SV2C: variants seen among roughly 807,000 people sequenced by gnomAD.
The protein encoded by SV2C is solute carrier family 22 member B3.
In SV2C, 49 loss-of-function variants were observed where a neutral mutation model predicts 79.7. The observed-to-expected ratio is 0.61, with a 90% CI of 0.49 to 0.78. The LOEUF is 0.78. SV2C is among the 30% of genes least tolerant of loss of function. The pLI is 0.00. For synonymous variants in SV2C, 334 were observed against 333.2 expected (o/e 1.00, Z -0.03); for missense variants, 833 against 912.9 (o/e 0.91, Z 1.13).
chr5:76,294,364 C>T (rs974125420), intron 8 of SV2C, among the ~76,000 whole-genome samples: 4 of 146,462 alleles, frequency 2.7e-5, no homozygotes, highest in African/African-American at 7.6e-5. Context: ...TGCATTGGCA[C>T]GATATCGGCT....
chr5:76,229,729 G>A (rs1163179056), intron 4 of SV2C, among the ~76,000 whole-genome samples: 2 of 152,216 alleles, frequency 1.3e-5, no homozygotes, highest in East Asian at 3.9e-4. Context: ...TAACAAGGGC[G>A]AAAGCCCTCC....
chr5:76,210,444 G>A (rs1744736655), intron 4 of SV2C, among the ~76,000 whole-genome samples: 1 of 152,294 alleles, frequency 6.6e-6, no homozygotes, highest in South Asian at 2.1e-4. Context: ...ACCAGTTTAT[G>A]GCAAAGGATA....
intron 2 of SV2C, among the ~76,000 whole-genome samples, chr5:76,153,260 C>G (rs1279285551): frequency 6.6e-6 from 1 of 152,178 alleles, no homozygotes; most frequent in East Asian, 1.9e-4. Flanking sequence ...TTGGAGGGAA[C>G]TAAGTTGGGA....
the SV2C span, chr5:75,910,457 C>G: frequency 1.7e-6 from 1 of 600,234 alleles, no homozygotes; most frequent in South Asian, 1.5e-5. Flanking sequence ...TTCAGCTGCA[C>G]TAAGGAAGTT....
the SV2C span, among the ~76,000 whole-genome samples, chr5:76,077,851 G>A: frequency 6.6e-6 from 1 of 152,228 alleles, no homozygotes; most frequent in African/African-American, 2.4e-5. Flanking sequence ...GGCCACCAGA[G>A]AGGTGGCCTC....
At chr5:76,165,394 A>G (rs1295909611) in intron 2 of SV2C, among the ~76,000 whole-genome samples, 1 of 152,204 alleles carries the variant, frequency 6.6e-6, no homozygotes, top group East Asian at 1.9e-4. Context: ...TAGTTCTAGG[A>G]AGTTTTATCA....
chr5:75,931,009 C>T, the SV2C span, among the ~76,000 whole-genome samples: 1 of 152,268 alleles, frequency 6.6e-6, no homozygotes, highest in South Asian at 2.1e-4. Context: ...TGGCACATGC[C>T]TGTAATCCCA....
chr5:75,990,534 T>C, the SV2C span, among the ~76,000 whole-genome samples: 1 of 151,972 alleles, frequency 6.6e-6, no homozygotes, highest in Non-Finnish European at 1.5e-5. Context: ...AAGGAAAAAA[T>C]TACTTTTTCT....
the SV2C span, among the ~76,000 whole-genome samples, chr5:76,037,972 A>G: frequency 1.3e-5 from 2 of 152,184 alleles, no homozygotes; most frequent in African/African-American, 4.8e-5. Flanking sequence ...CCGTCGGAAA[A>G]GCGCAGTATT....
chr5:75,850,303 C>A, the SV2C span, among the ~76,000 whole-genome samples: 1 of 152,078 alleles, frequency 6.6e-6, no homozygotes, highest in African/African-American at 2.4e-5. Flanking sequence ...ATACACACAC[C>A]GTTCCCGTGA....
chr5:76,342,890 T>C (rs1749470030), intron 12 of SV2C, among the ~76,000 whole-genome samples: 1 of 151,072 alleles, frequency 6.6e-6, no homozygotes. Flanking sequence ...CTCTCTCTTT[T>C]TTTTTTTTTT....
intron 12 of SV2C, among the ~76,000 whole-genome samples, chr5:76,350,136 C>T (rs1749619880): frequency 6.6e-6 from 1 of 152,168 alleles, no homozygotes; most frequent in African/African-American, 2.4e-5. Context: ...TAAACGATCA[C>T]AAATCTGCAT....
chr5:76,353,095 C>T (rs1287445032), intron 12 of SV2C: 1 of 433,414 alleles, frequency 2.3e-6, no homozygotes, highest in African/African-American at 2.4e-5. Context: ...TGGGAGCCAC[C>T]ATGCCCAGCT....
At chr5:76,248,930 T>A (rs73115556) in intron 4 of SV2C, among the ~76,000 whole-genome samples, 1,822 of 152,248 alleles carry the variant, frequency 0.012, 28 homozygotes, top group African/African-American at 0.041. Flanking sequence ...CAGTGAACAA[T>A]TTTTGAATGA....
chr5:76,082,195 G>C (rs1217144352), upstream of SV2C: 1 of 152,310 alleles, frequency 6.6e-6, no homozygotes, highest in Admixed American at 6.5e-5. Flanking sequence ...GCGCGGAGCC[G>C]GAGGAGTCAG....
At chr5:76,069,877 C>CA in the SV2C span, among the ~76,000 whole-genome samples, 63,805 of 151,122 alleles carry the variant, frequency 0.42, 14,092 homozygotes, top group East Asian at 0.72. Flanking sequence ...CACACACACA[C>CA]CCTTTCGTGG....
At chr5:76,317,123 T>A (rs998247874) in intron 12 of SV2C, among the ~76,000 whole-genome samples, 1 of 152,342 alleles carries the variant, frequency 6.6e-6, no homozygotes, top group African/African-American at 2.4e-5. Flanking sequence ...TTTCTTGTAC[T>A]TTTAGCATTG....
At chr5:76,117,784 A>C (rs1748325974) in intron 1 of SV2C, among the ~76,000 whole-genome samples, 1 of 152,214 alleles carries the variant, frequency 6.6e-6, no homozygotes, top group Non-Finnish European at 1.5e-5. Context: ...ACTAAAGTTA[A>C]TTAGAACGAA....
intron 2 of SV2C, among the ~76,000 whole-genome samples, chr5:76,166,014 G>A (rs1743036246): frequency 6.6e-6 from 1 of 152,166 alleles, no homozygotes; most frequent in African/African-American, 2.4e-5. Context: ...GTTGAGCAGG[G>A]GAAGTTGGAG....
Sources: gnomAD v4.1 joint callset for allele counts (sites outside exome capture counted in the v4.1 genomes callset) on GRCh38, gnomAD v4.1.1 for gene constraint, MANE v1.5 for transcripts, NCBI Gene and HGNC (gene_info 2026-07-23, HGNC 2026-07-21) for gene names.